The following ADAMTSL3 variants were observed in gnomAD, a reference collection of about 807,000 sequenced individuals.
The protein encoded by ADAMTSL3 is ADAMTS like 3, also known as ADAMTS-like protein 3.
A neutral mutation model predicts 201.7 loss-of-function variants in ADAMTSL3; 128 were observed. The observed-to-expected ratio is 0.63, with a 90% confidence interval of 0.55 to 0.73. The LOEUF is 0.73. ADAMTSL3 is among the 30% of genes least tolerant of loss of function. The pLI is 0.00. For synonymous variants in ADAMTSL3, 738 were observed against 748.4 expected (o/e 0.99, Z 0.23); for missense variants, 1,990 against 2,119.6 (o/e 0.94, Z 1.20).
intron 3 of ADAMTSL3, among the ~76,000 whole-genome samples, chr15:83,728,572 A>C (rs2062216702): frequency 6.6e-6 from 1 of 152,004 alleles, no homozygotes; most frequent in Admixed American, 6.6e-5. Flanking sequence ...CCATTATTTT[A>C]AACTGATGAC....
intron 16 of ADAMTSL3, 121 bp from the exon 17 acceptor site, chr15:83,923,783 C>A: frequency 8.5e-7 from 1 of 1,183,324 alleles, no homozygotes; most frequent in Non-Finnish European, 1.2e-6. Flanking sequence ...ATGCAGCCTG[C>A]AGCCCTATGA....
chr15:83,737,616 G>C (rs1376686713), intron 3 of ADAMTSL3, among the ~76,000 whole-genome samples: 1 of 152,158 alleles, frequency 6.6e-6, no homozygotes, highest in Admixed American at 6.5e-5. Flanking sequence ...AAGTTGCCCA[G>C]TCTCGGGCAG....
At position 84,025,346 on chromosome 15, in the gene ADAMTSL3, G is replaced by A. The variant is rs142878837; in HGVS notation, c.4566G>A (p.Val1522=). The A allele has an allele frequency of 6.2e-7, 1 of 1,614,166 alleles. No homozygotes were observed. The highest frequency in any genetic ancestry group is 8.5e-7 in the Non-Finnish European group (1 of 1,180,020). Residue 1522 remains valine, a synonymous_variant, in exon 27 of 30, where the codon GTG becomes GTA. Transcript: ENST00000286744. ...RTKANGTVQV[V]SPRACAPKDR... is the part of the protein sequence containing the mutation. Reference sequence around the variant, plus strand: ...AAGCCAATGGAACTGTGCAGGTGGTGTCTCCAAGAGCATGTGCCCCTAAAG... The same window carrying A: ...AAGCCAATGGAACTGTGCAGGTGGTATCTCCAAGAGCATGTGCCCCTAAAG...
intron 16 of ADAMTSL3, 90 bp downstream of exon 16, chr15:83,913,468 T>A (rs901139068): frequency 1.5e-6 from 2 of 1,348,958 alleles, no homozygotes; most frequent in African/African-American, 2.9e-5. Context: ...ATATGCAAAT[T>A]AGCAAAAGTC....
At chr15:84,011,785 T>A (rs187289285) in intron 23 of ADAMTSL3, among the ~76,000 whole-genome samples, 110 of 152,336 alleles carry the variant, frequency 7.2e-4, no homozygotes, top group Non-Finnish European at 1.3e-3. Flanking sequence ...TGCTTATAGC[T>A]TTCCTAAGTG....
chr15:83,745,809 C>A (rs1030651201), intron 3 of ADAMTSL3, among the ~76,000 whole-genome samples: 3 of 152,202 alleles, frequency 2.0e-5, no homozygotes, highest in Non-Finnish European at 4.4e-5. Context: ...TGCCATTGGG[C>A]AAAATGTGTT....
intron 4 of ADAMTSL3, among the ~76,000 whole-genome samples, chr15:83,801,611 A>C (rs2063514147): frequency 7.6e-6 from 1 of 132,286 alleles, no homozygotes; most frequent in Non-Finnish European, 1.6e-5. Flanking sequence ...AGCACAAGAA[A>C]AGGTCAATGA....
At chr15:83,662,442 G>A (rs1386568996) in intron 2 of ADAMTSL3, among the ~76,000 whole-genome samples, 1 of 145,122 alleles carries the variant, frequency 6.9e-6, no homozygotes, top group Non-Finnish European at 1.5e-5. Flanking sequence ...GGGAGGGGGG[G>A]ATAGCATTGG....
chr15:84,006,518 C>T (rs2067897572), intron 23 of ADAMTSL3, among the ~76,000 whole-genome samples: 1 of 152,158 alleles, frequency 6.6e-6, no homozygotes, highest in African/African-American at 2.4e-5. Context: ...AAGACACCCC[C>T]GAGGTGCAAA....
At chr15:83,917,075 CAG>C (rs2066047674) in intron 16 of ADAMTSL3, among the ~76,000 whole-genome samples, 1 of 152,092 alleles carries the variant, frequency 6.6e-6, no homozygotes, top group African/African-American at 2.4e-5. Context: ...CCCTGGATAG[CAG>C]AGAGGATAAG....
intron 3 of ADAMTSL3, among the ~76,000 whole-genome samples, chr15:83,729,008 G>A (rs2062224554): frequency 1.3e-5 from 2 of 152,014 alleles, no homozygotes; most frequent in Admixed American, 1.3e-4. Context: ...TTTAAAGGGT[G>A]TTTTTGCTGG....
At chr15:83,969,842 T>C (rs2067159874) in intron 19 of ADAMTSL3, among the ~76,000 whole-genome samples, 1 of 152,180 alleles carries the variant, frequency 6.6e-6, no homozygotes, top group South Asian at 2.1e-4. Context: ...CAATAGATAG[T>C]GTGCAATTCA....
intron 23 of ADAMTSL3, among the ~76,000 whole-genome samples, chr15:84,007,355 T>C (rs777344382): frequency 3.3e-5 from 5 of 152,180 alleles, no homozygotes; most frequent in Non-Finnish European, 7.4e-5. Flanking sequence ...GACATAATTT[T>C]AGATACATCT....
At chr15:83,723,257 C>T (rs1446386566) in intron 3 of ADAMTSL3, among the ~76,000 whole-genome samples, 1 of 152,146 alleles carries the variant, frequency 6.6e-6, no homozygotes, top group Non-Finnish European at 1.5e-5. Context: ...AAGCACTCCC[C>T]CACCTCCAGC....
rs1444804484 is a variant in ADAMTSL3, at chr15:83,819,714, G to A, written c.364-97G>A. 3.3e-6 allele frequency: 3 copies of A among 903,886 alleles called. No individual in the cohort carries two copies. In the African/African-American group the frequency reaches 5.0e-5, roughly 15 times the overall value. 56.0% of individuals were successfully genotyped at this position (903,886 alleles called of 1,614,324 possible). A position where few individuals can be genotyped will look rare whatever the true frequency, so the allele number is the denominator to read the frequency against. On this transcript the variant is annotated intron_variant, in intron 5 of 29. Transcript: ENST00000286744. ...AGGTGACTCCCAGAGAGAGGCAAGTGAGGTGTGGTCTCATGAGATTCTGGT... is the reference window on the plus strand; with the variant it reads ...AGGTGACTCCCAGAGAGAGGCAAGTAAGGTGTGGTCTCATGAGATTCTGGT...
In ADAMTSL3 at chr15:83,768,937, G is replaced by A. The variant is rs147609648; in HGVS notation, c.190-4586G>A. Reference sequence around the variant, plus strand: ...TGGGGTTTCAAAACAAAATCCAAGCGTCTTCCTGGCTGAGGAGAGGAGAAA... The same window carrying A: ...TGGGGTTTCAAAACAAAATCCAAGCATCTTCCTGGCTGAGGAGAGGAGAAA... On this transcript the variant is annotated intron_variant, in intron 3 of 29. Coordinates refer to ENST00000286744, the MANE Select transcript of ADAMTSL3 (RefSeq NM_207517.3). Among the ~76,000 whole-genome samples, 653 of 152,280 alleles carry A rather than the reference G, an allele frequency of 4.3e-3. 4 individuals carry two copies. Among genetic ancestry groups the A allele is most frequent in the African/African-American group, 0.015 (616 of 41,544 alleles).
intron 19 of ADAMTSL3, among the ~76,000 whole-genome samples, chr15:83,954,639 A>C (rs1251978317): frequency 6.6e-6 from 1 of 152,160 alleles, no homozygotes; most frequent in Non-Finnish European, 1.5e-5. Flanking sequence ...TTTACAGTCT[A>C]TGCCTGTCCT....
At chr15:83,667,587 A>G (rs912324329) in intron 2 of ADAMTSL3, among the ~76,000 whole-genome samples, 2 of 145,270 alleles carry the variant, frequency 1.4e-5, no homozygotes, top group South Asian at 2.2e-4. Flanking sequence ...GAAGACTGAC[A>G]TGTGTTTCCT....
intron 3 of ADAMTSL3, chr15:83,740,322 C>T (rs1052094037): frequency 6.6e-6 from 1 of 152,230 alleles, no homozygotes; most frequent in African/African-American, 2.4e-5. Context: ...TTTCTCCAAC[C>T]TTAGTGCAAT....
Sources: gnomAD v4.1 joint callset for allele counts (sites outside exome capture counted in the v4.1 genomes callset) on GRCh38, gnomAD v4.1.1 for gene constraint, MANE v1.5 for transcripts, NCBI Gene and HGNC (gene_info 2026-07-23, HGNC 2026-07-21) for gene names.